The following RASSF8 variants were observed in gnomAD, a reference collection of about 807,000 sequenced individuals.
RASSF8 encodes the protein Ras association domain family member 8.
In RASSF8, 22 loss-of-function variants were observed where a neutral mutation model predicts 48.5. The observed-to-expected ratio is 0.45, with a 90% CI of 0.32 to 0.65. The LOEUF is 0.65. RASSF8 is among the 30% of genes least tolerant of loss of function. The probability of loss-of-function intolerance (pLI) is 0.03; values close to 1 mark genes in which losing one functional copy is unlikely to be tolerated. For missense variants in RASSF8, 418 were observed against 489.2 expected (o/e 0.85, Z 1.37); for synonymous variants, 127 against 171.5 (o/e 0.74, Z 2.03).
intron 2 of RASSF8, among the ~76,000 whole-genome samples, chr12:26,006,646 T>C (rs1942398678): frequency 6.6e-6 from 1 of 152,138 alleles, no homozygotes; most frequent in South Asian, 2.1e-4. Flanking sequence ...CTATTGATAA[T>C]TACACCAGAA....
chr12:26,062,057 A>T (rs1457945622), intron 3 of RASSF8, among the ~76,000 whole-genome samples: 1 of 152,206 alleles, frequency 6.6e-6, no homozygotes, highest in Non-Finnish European at 1.5e-5. Context: ...ATATAATGTG[A>T]TGATTCGGTT....
rs568751331 is a variant in RASSF8 at position 26,056,022 on chromosome 12, T to C, written c.103+576T>C. On this transcript the variant is annotated intron_variant, in intron 3 of 5. Coordinates refer to ENST00000689635, the MANE Select transcript of RASSF8 (RefSeq NM_001394098.1). Reference sequence around the variant, plus strand: ...CAAACATGGTCAAACCCGTCTTTAATAAAACTACAAAAATTAGCCGGGCGT... The same window carrying C: ...CAAACATGGTCAAACCCGTCTTTAACAAAACTACAAAAATTAGCCGGGCGT... 4.6e-5 allele frequency among the ~76,000 whole-genome samples: 7 copies of C among 152,074 alleles called. No homozygotes were observed. The East Asian group carries it at 9.7e-4, about 21-fold the overall frequency.
At chr12:26,067,209 A>G (rs1943895237) in intron 4 of RASSF8, among the ~76,000 whole-genome samples, 1 of 152,026 alleles carries the variant, frequency 6.6e-6, no homozygotes, top group South Asian at 2.1e-4. Context: ...TTTTCTTTTT[A>G]TTTTCCACCA....
intron 2 of RASSF8, among the ~76,000 whole-genome samples, chr12:26,001,199 A>AT (rs34731435): frequency 0.42 from 56,988 of 136,842 alleles, 12,258 homozygotes; most frequent in Non-Finnish European, 0.5. Flanking sequence ...CTAATTTTTA[A>AT]TTTTTTTTTT....
At chr12:26,040,949 G>A (rs570057386) in intron 2 of RASSF8, among the ~76,000 whole-genome samples, 6 of 150,692 alleles carry the variant, frequency 4.0e-5, no homozygotes, top group South Asian at 2.1e-4. Flanking sequence ...GAGCAGTGGC[G>A]TGATCTCAGC....
Position 26,068,686 on chromosome 12 carries a change from T to G in RASSF8, c.1139-11T>G, listed in dbSNP as rs778399419. 18 of 1,534,458 alleles carry G rather than the reference T, an allele frequency of 1.2e-5. No individual in the cohort carries two copies. The South Asian group carries it at 2.0e-4, about 17-fold the overall frequency. On this transcript the variant is annotated splice_polypyrimidine_tract_variant and intron_variant, in intron 5 of 5. Coordinates refer to ENST00000689635, the MANE Select transcript of RASSF8 (RefSeq NM_001394098.1). ...GAGCTCATCAGGTGGCTCTCTTTGT[T>G]TCCTGTTTAGAGGCACCATTCCAGT...
downstream of RASSF8, among the ~76,000 whole-genome samples, chr12:26,074,121 A>G (rs1944049185): frequency 6.6e-6 from 1 of 152,166 alleles, no homozygotes; most frequent in African/African-American, 2.4e-5. Context: ...CCTGTCCTCT[A>G]AAATCATGTT....
intron 2 of RASSF8, among the ~76,000 whole-genome samples, chr12:26,043,233 C>G (rs116569339): frequency 6.6e-6 from 1 of 152,182 alleles, no homozygotes; most frequent in Non-Finnish European, 1.5e-5. Context: ...GGAAAGCTGC[C>G]TGTTGAAGGA....
rs1592219466 is a variant in RASSF8, at chr12:25,973,003, T to A, written c.-203+13855T>A. Among the ~76,000 whole-genome samples, 4 of 152,190 alleles carry A rather than the reference T, an allele frequency of 2.6e-5. No homozygotes were observed. The South Asian group carries it at 8.3e-4, about 32-fold the overall frequency. On this transcript the variant is annotated intron_variant, in intron 1 of 5. Transcript: ENST00000689635. ...CCAAGGCTGTGTGATTCATTCATAT[T>A]GCGTATAACTGTAGCTTGTTCATTC...
chr12:26,010,470 C>T (rs1041097658), intron 2 of RASSF8, among the ~76,000 whole-genome samples: 4 of 152,132 alleles, frequency 2.6e-5, no homozygotes, highest in South Asian at 2.1e-4. Context: ...CACATGAGAA[C>T]GGAACTCCCA....
intron 2 of RASSF8, among the ~76,000 whole-genome samples, chr12:26,031,524 C>A (rs1028941142): frequency 1.6e-4 from 24 of 152,284 alleles, no homozygotes; most frequent in African/African-American, 5.8e-4. Flanking sequence ...AGGGCAGGGT[C>A]AGATTTGGTG....
chr12:26,026,309 G>A (rs1942911862), intron 2 of RASSF8, among the ~76,000 whole-genome samples: 1 of 152,192 alleles, frequency 6.6e-6, no homozygotes, highest in Non-Finnish European at 1.5e-5. Flanking sequence ...AAGTATCTCA[G>A]TAGACAAATA....
At chr12:26,009,270 C>A (rs1942466212) in intron 2 of RASSF8, among the ~76,000 whole-genome samples, 1 of 152,190 alleles carries the variant, frequency 6.6e-6, no homozygotes, top group Non-Finnish European at 1.5e-5. Context: ...GTTGTTAACA[C>A]TTCTACTGAT....
rs1014959808 is a variant in RASSF8, at chr12:26,071,601, G to A, written c.*2783G>A. 1.3e-5 allele frequency: 13 copies of A among 984,932 alleles called. No individual in the cohort carries two copies. Among genetic ancestry groups the A allele is most frequent in the Middle Eastern group, 5.2e-4 (1 of 1,938 alleles). 61.0% of individuals were successfully genotyped at this position (984,932 alleles called of 1,614,324 possible). On this transcript the variant is annotated 3_prime_UTR_variant, in exon 6 of 6. Coordinates refer to ENST00000689635, the MANE Select transcript of RASSF8 (RefSeq NM_001394098.1). ...ACATAGTGTCCATAGTCCCTTTCTTGTCCTTCTGAGATATTTTGGTTTGAT... is the reference window on the plus strand; with the variant it reads ...ACATAGTGTCCATAGTCCCTTTCTTATCCTTCTGAGATATTTTGGTTTGAT...
At chr12:26,056,623 A>G (rs1374929014) in intron 3 of RASSF8, among the ~76,000 whole-genome samples, 1 of 152,240 alleles carries the variant, frequency 6.6e-6, no homozygotes, top group African/African-American at 2.4e-5. Flanking sequence ...GTGATGTGGC[A>G]GATGCACTGT....
intron 1 of RASSF8, among the ~76,000 whole-genome samples, chr12:25,972,067 A>G (rs1475056109): frequency 6.6e-6 from 1 of 152,210 alleles, no homozygotes; most frequent in African/African-American, 2.4e-5. Flanking sequence ...TTTATACCCT[A>G]AAACAGGACC....
At chr12:25,970,627 G>T (rs980025496) in intron 1 of RASSF8, among the ~76,000 whole-genome samples, 4 of 152,260 alleles carry the variant, frequency 2.6e-5, no homozygotes, top group East Asian at 3.9e-4. Flanking sequence ...CCTGCTAAAA[G>T]CCCAACCCTC....
chr12:26,062,237 G>T (rs183375137), intron 3 of RASSF8, among the ~76,000 whole-genome samples: 4 of 152,294 alleles, frequency 2.6e-5, no homozygotes, highest in African/African-American at 9.6e-5. Context: ...GTACACATGG[G>T]ACAGTTTTAA....
intron 2 of RASSF8, among the ~76,000 whole-genome samples, chr12:26,016,041 G>A (rs1455858591): frequency 6.6e-6 from 1 of 151,986 alleles, no homozygotes; most frequent in Non-Finnish European, 1.5e-5. Context: ...TGCCTGTCGA[G>A]CAGTCATAAT....
Sources: gnomAD v4.1 joint callset for allele counts (sites outside exome capture counted in the v4.1 genomes callset) on GRCh38, gnomAD v4.1.1 for gene constraint, MANE v1.5 for transcripts, NCBI Gene and HGNC (gene_info 2026-07-23, HGNC 2026-07-21) for gene names.